CLIP1: variants seen among roughly 807,000 people sequenced by gnomAD.
CLIP1 encodes CAP-Gly domain-containing linker protein 1.
CLIP1 carries 66 observed loss-of-function variants against 161.6 expected under a neutral mutation model. That is an observed-to-expected ratio of 0.41 (90% CI 0.33 to 0.50). The LOEUF (loss-of-function observed/expected upper bound fraction) is 0.50. Among genes scored for constraint, CLIP1 ranks in the 20% least tolerant of loss-of-function variants. The probability of loss-of-function intolerance (pLI) is 0.27; values close to 1 mark genes in which losing one functional copy is unlikely to be tolerated. For synonymous variants in CLIP1, 598 were observed against 626.2 expected (o/e 0.96, Z 0.67); for missense variants, 1,376 against 1,702.0 (o/e 0.81, Z 3.37).
At chr12:122,410,377 G>A (rs969593352) in intron 1 of CLIP1, among the ~76,000 whole-genome samples, 1 of 147,374 alleles carries the variant, frequency 6.8e-6, no homozygotes, top group African/African-American at 2.5e-5. Flanking sequence ...ACATACCATT[G>A]TTCTATACTT....
chr12:122,352,292 G>C (rs1043045137), intron 8 of CLIP1, among the ~76,000 whole-genome samples: 1 of 151,908 alleles, frequency 6.6e-6, no homozygotes, highest in Non-Finnish European at 1.5e-5. Context: ...CCTGACCTCG[G>C]GTGATCCACC....
intron 1 of CLIP1, among the ~76,000 whole-genome samples, chr12:122,415,530 A>G (rs1489075578): frequency 2.8e-5 from 4 of 144,224 alleles, no homozygotes; most frequent in African/African-American, 5.1e-5. Flanking sequence ...TATTAAACAT[A>G]GATTTTGGCT....
chr12:122,334,260 T>A (rs1593093827), intron 13 of CLIP1, 150 bp from the exon 14 acceptor site: 1 of 623,448 alleles, frequency 1.6e-6, no homozygotes, highest in Admixed American at 2.7e-5. Flanking sequence ...CACATGGCTG[T>A]GTCCAGCCTG....
intron 21 of CLIP1, among the ~76,000 whole-genome samples, chr12:122,281,851 T>C (rs1711705629): frequency 6.6e-6 from 1 of 152,170 alleles, no homozygotes; most frequent in African/African-American, 2.4e-5. Context: ...TAAATGTTTT[T>C]ACTAAAAAAA....
intron 20 of CLIP1, among the ~76,000 whole-genome samples, chr12:122,291,648 G>A (rs1950255835): frequency 6.6e-6 from 1 of 152,156 alleles, no homozygotes; most frequent in Admixed American, 6.5e-5. Flanking sequence ...GTAATCCTGT[G>A]TCCTTCTCAG....
chr12:122,360,734 A>G, intron 5 of CLIP1: 1 of 484,246 alleles, frequency 2.1e-6, no homozygotes, highest in Non-Finnish European at 3.7e-6. Flanking sequence ...TTAAGCTTTT[A>G]AGAATCTGAA....
At chr12:122,349,586 T>C (rs1014199489) in intron 9 of CLIP1, among the ~76,000 whole-genome samples, 2 of 152,234 alleles carry the variant, frequency 1.3e-5, no homozygotes, top group African/African-American at 4.8e-5. Context: ...TCCACTTCCA[T>C]GCCACAGCAC....
chr12:122,404,907 A>C (rs539725422), intron 1 of CLIP1, among the ~76,000 whole-genome samples: 1,920 of 150,004 alleles, frequency 0.013, 15 homozygotes, highest in Non-Finnish European at 0.019. Flanking sequence ...CTCAAAAAAA[A>C]AAAACAAAAC....
intron 1 of CLIP1, among the ~76,000 whole-genome samples, chr12:122,420,424 GA>G (rs1956902408): frequency 6.6e-6 from 1 of 152,058 alleles, no homozygotes; most frequent in South Asian, 2.1e-4. Flanking sequence ...ATGTCATGCT[GA>G]AGTGCAAGCT....
intron 1 of CLIP1, among the ~76,000 whole-genome samples, chr12:122,389,651 T>G (rs937907899): frequency 6.9e-6 from 1 of 144,798 alleles, no homozygotes; most frequent in African/African-American, 2.6e-5. Flanking sequence ...CCCAGCTACT[T>G]AGGAGGCTGA....
chr12:122,394,241 G>A lies in CLIP1; in HGVS notation c.-106-13683C>T, dbSNP rs375628397. On this transcript the variant is annotated intron_variant, in intron 1 of 25. Coordinates refer to ENST00000620786, the MANE Select transcript of CLIP1 (RefSeq NM_001247997.2). Reference sequence around the variant, plus strand: ...GTGGTGGCTCACGCCTGTAATCCCAGTACTTTGGGAGACTGAGGCGGGCGG... The same window carrying A: ...GTGGTGGCTCACGCCTGTAATCCCAATACTTTGGGAGACTGAGGCGGGCGG... 4.6e-5 allele frequency among the ~76,000 whole-genome samples: 7 copies of A among 152,258 alleles called. No individual in the cohort carries two copies. In the East Asian group the frequency reaches 1.4e-3, roughly 29 times the overall value.
chr12:122,347,626 A>T (rs1384464329), intron 9 of CLIP1, 147 bp from the exon 10 acceptor site: 18 of 632,956 alleles, frequency 2.8e-5, no homozygotes, highest in Admixed American at 6.8e-5. Flanking sequence ...GAAGAGGTGG[A>T]GGTGAGATGA....
chr12:122,285,634 C>T (rs905399989), intron 21 of CLIP1, among the ~76,000 whole-genome samples: 5 of 144,962 alleles, frequency 3.4e-5, no homozygotes, highest in South Asian at 2.3e-4. Flanking sequence ...CCACCGCACC[C>T]GACCTTTTTT....
At chr12:122,357,759 A>C (rs1259927888) in intron 5 of CLIP1, among the ~76,000 whole-genome samples, 2 of 133,292 alleles carry the variant, frequency 1.5e-5, no homozygotes, top group African/African-American at 2.8e-5. Flanking sequence ...GGCCGCCCCT[A>C]CTGGGAAGTG....
intron 15 of CLIP1, 138 bp from the exon 16 acceptor site, chr12:122,328,564 AATTTT>A: frequency 2.2e-6 from 1 of 463,472 alleles, no homozygotes; most frequent in Non-Finnish European, 3.2e-6. Context: ...CTAGGCAAGA[AATTTT>A]GTTTTGTTTT....
intron 1 of CLIP1, among the ~76,000 whole-genome samples, chr12:122,407,059 C>T (rs775083533): frequency 6.6e-6 from 1 of 152,134 alleles, no homozygotes; most frequent in Non-Finnish European, 1.5e-5. Flanking sequence ...GCTTAAGACA[C>T]AGATCTTAAA....
At chr12:122,379,852 G>A (rs574971969) in intron 2 of CLIP1, among the ~76,000 whole-genome samples, 153 of 150,768 alleles carry the variant, frequency 1.0e-3, no homozygotes, top group African/African-American at 3.5e-3. Flanking sequence ...GCTGAGGCAG[G>A]AGAATCGCTT....
At chr12:122,312,536 G>A (rs1000206485) in intron 19 of CLIP1, among the ~76,000 whole-genome samples, 3 of 152,224 alleles carry the variant, frequency 2.0e-5, no homozygotes, top group Non-Finnish European at 4.4e-5. Flanking sequence ...GGCTGAGGCA[G>A]GCGGATCACT....
In CLIP1 at chr12:122,352,802, CA is replaced by C. The variant is rs778176880; in HGVS notation, c.1308-17del. 1 of 1,604,888 alleles carries C rather than the reference CA, an allele frequency of 6.2e-7. No homozygotes were observed. Among genetic ancestry groups the C allele is most frequent in the Admixed American group, 1.7e-5 (1 of 59,926 alleles). ...CTCAACCTTCCTGTGGAATAAAACC[CA>C]AACAAAACACTTAAGAAACTAAGTA... On this transcript the variant is annotated splice_polypyrimidine_tract_variant and intron_variant, in intron 7 of 25. Transcript: ENST00000620786.
Sources: allele counts gnomAD v4.1 joint callset (sites outside exome capture counted in the v4.1 genomes callset), GRCh38; gene constraint gnomAD v4.1.1; transcripts MANE v1.5; gene names NCBI Gene and HGNC (gene_info 2026-07-23, HGNC 2026-07-21).